PRKACB: variants seen among roughly 807,000 people sequenced by gnomAD.
PRKACB encodes the protein cAMP-dependent protein kinase catalytic subunit beta.
Under a neutral mutation model 51.4 loss-of-function variants are expected in PRKACB, and 16 were observed. The ratio of observed to expected loss-of-function variants is 0.31; its 90% CI spans 0.21 to 0.47. PRKACB has a LOEUF of 0.47. Among genes scored for constraint, PRKACB ranks in the 20% least tolerant of loss-of-function variants. PRKACB has a pLI of 1.00. For synonymous variants in PRKACB, 147 were observed against 154.4 expected (o/e 0.95, Z 0.35); for missense variants, 309 against 464.5 (o/e 0.67, Z 3.08).
At chr1:84,094,608 A>C (rs1465888251) in intron 1 of PRKACB, among the ~76,000 whole-genome samples, 1 of 151,938 alleles carries the variant, frequency 6.6e-6, no homozygotes, top group African/African-American at 2.4e-5. Flanking sequence ...TACTTGCCTT[A>C]TGGGTCACCT....
chr1:84,236,017 G>C lies in PRKACB; in HGVS notation c.*712G>C, dbSNP rs1283721450. ...TAATGAAGTGACCAGCCTGTGTAGTGTGACAAACGTGTCTCATTCAGCAGG... is the reference window on the plus strand; with the variant it reads ...TAATGAAGTGACCAGCCTGTGTAGTCTGACAAACGTGTCTCATTCAGCAGG... On this transcript the variant is annotated 3_prime_UTR_variant, in exon 10 of 10. Coordinates refer to ENST00000370685, the MANE Select transcript of PRKACB (RefSeq NM_182948.4). The C allele has an allele frequency of 6.6e-6, 1 of 152,526 alleles. No homozygotes were observed. The highest frequency in any genetic ancestry group is 1.5e-5 in the Non-Finnish European group (1 of 68,032). The allele number at this position is 152,526 out of a possible 1,614,324, so 9.4% of individuals were successfully genotyped here.
At chr1:84,199,096 T>C (rs1203699332) in intron 7 of PRKACB, among the ~76,000 whole-genome samples, 2 of 136,812 alleles carry the variant, frequency 1.5e-5, no homozygotes, top group Admixed American at 1.4e-4. Flanking sequence ...TGCGTATATA[T>C]GCATATATGT....
At chr1:84,217,843 C>T (rs1433066251) in intron 9 of PRKACB, among the ~76,000 whole-genome samples, 1 of 152,062 alleles carries the variant, frequency 6.6e-6, no homozygotes, top group Non-Finnish European at 1.5e-5. Flanking sequence ...TATCGAACTT[C>T]TATTTTCTTT....
intron 1 of PRKACB, among the ~76,000 whole-genome samples, chr1:84,151,306 A>C (rs970417129): frequency 6.6e-6 from 1 of 152,210 alleles, no homozygotes; most frequent in African/African-American, 2.4e-5. Context: ...TATTGCTAAA[A>C]AAATACTAAT....
chr1:84,195,919 A>C (rs1473174148), intron 5 of PRKACB, among the ~76,000 whole-genome samples: 1 of 152,078 alleles, frequency 6.6e-6, no homozygotes, highest in Non-Finnish European at 1.5e-5. Flanking sequence ...TCTCAAAAAA[A>C]AAAAAAAAGA....
chr1:84,213,285 G>A (rs1478307228), intron 8 of PRKACB, among the ~76,000 whole-genome samples: 1 of 152,110 alleles, frequency 6.6e-6, no homozygotes, highest in Non-Finnish European at 1.5e-5. Flanking sequence ...AGGCATAGAT[G>A]CAGCTATTCC....
At chr1:84,163,200 G>A (rs776589321) in intron 1 of PRKACB, among the ~76,000 whole-genome samples, 48 of 152,080 alleles carry the variant, frequency 3.2e-4, no homozygotes, top group Non-Finnish European at 6.0e-4. Context: ...TAGGCAGTTC[G>A]GAAGTCTGTA....
At chr1:84,081,974 A>G (rs965901761) in intron 1 of PRKACB, among the ~76,000 whole-genome samples, 2 of 152,240 alleles carry the variant, frequency 1.3e-5, no homozygotes, top group Admixed American at 1.3e-4. Flanking sequence ...CCACCAGTAG[A>G]CTAGGTTCAA....
At chr1:84,184,205 A>T (rs1664434605) in intron 4 of PRKACB, 70 bp downstream of exon 4, 8 of 1,318,146 alleles carry the variant, frequency 6.1e-6, no homozygotes, top group Admixed American at 2.2e-5. Context: ...CTATAAATGG[A>T]TTCTAAACCA....
Position 84,208,058 on chromosome 1 carries a change from G to GGGT in PRKACB, c.906+5254_906+5256dup, listed in dbSNP as rs1372434435. Among the ~76,000 whole-genome samples, 75 of 152,054 alleles carry GGGT rather than the reference G, an allele frequency of 4.9e-4. 1 individual carries two copies. Among genetic ancestry groups the GGGT allele is most frequent in the Non-Finnish European group, 1.6e-4 (11 of 68,002 alleles). Reference sequence around the variant, plus strand: ...AATTTTTGTGTTTTTAGTAGGGACAGGGTTTCACCATGTTGGCCAGGCTGG... The same window carrying GGGT: ...AATTTTTGTGTTTTTAGTAGGGACAGGGTGGTTTCACCATGTTGGCCAGGCTGG... On this transcript the variant is annotated intron_variant, in intron 8 of 9. Coordinates refer to ENST00000370685, the MANE Select transcript of PRKACB (RefSeq NM_182948.4).
chr1:84,165,722 T>A (rs1202237533), intron 1 of PRKACB, among the ~76,000 whole-genome samples: 2 of 151,804 alleles, frequency 1.3e-5, no homozygotes, highest in Non-Finnish European at 2.9e-5. Flanking sequence ...CAGTTTATCA[T>A]AGGGTAAAAG....
At chr1:84,155,323 A>G (rs1655357449) in intron 1 of PRKACB, among the ~76,000 whole-genome samples, 1 of 152,202 alleles carries the variant, frequency 6.6e-6, no homozygotes, top group Non-Finnish European at 1.5e-5. Context: ...CAAAGCAGTG[A>G]AAGATTTGTA....
intron 1 of PRKACB, among the ~76,000 whole-genome samples, chr1:84,080,390 T>G (rs1387775563): frequency 6.6e-6 from 1 of 152,208 alleles, no homozygotes; most frequent in Non-Finnish European, 1.5e-5. Context: ...TTTCTATGTT[T>G]TAAGTGTTAA....
At chr1:84,091,710 G>A (rs1047999715) in intron 1 of PRKACB, among the ~76,000 whole-genome samples, 2 of 152,000 alleles carry the variant, frequency 1.3e-5, no homozygotes, top group Admixed American at 6.6e-5. Flanking sequence ...TTGCCATGTT[G>A]CCCGGCCTGG....
chr1:84,114,476 T>C (rs78892414), intron 1 of PRKACB, among the ~76,000 whole-genome samples: 2,129 of 152,212 alleles, frequency 0.014, 62 homozygotes, highest in East Asian at 0.094. Context: ...TTTTTTTTAT[T>C]TTTACAAATG....
intron 1 of PRKACB, among the ~76,000 whole-genome samples, chr1:84,116,246 G>A (rs189067511): frequency 1.2e-4 from 18 of 152,172 alleles, no homozygotes; most frequent in African/African-American, 3.9e-4. Context: ...GGTTATTATA[G>A]CCTTCTAATA....
At chr1:84,194,855 A>G (rs1008554064) in intron 5 of PRKACB, among the ~76,000 whole-genome samples, 1 of 152,066 alleles carries the variant, frequency 6.6e-6, no homozygotes, top group African/African-American at 2.4e-5. Context: ...GGAAGATTGC[A>G]TGAGCCCAAG....
At chr1:84,142,167 C>T (rs908824220), upstream of PRKACB, among the ~76,000 whole-genome samples, 2 of 152,032 alleles carry the variant, frequency 1.3e-5, no homozygotes, top group Non-Finnish European at 2.9e-5. Context: ...GTAATACATG[C>T]ATTTCATTTA....
At chr1:84,199,071 ATATATG>A (rs1338807743) in intron 7 of PRKACB, among the ~76,000 whole-genome samples, 4 of 50,216 alleles carry the variant, frequency 8.0e-5, no homozygotes, top group Admixed American at 1.9e-4. Flanking sequence ...GTATATATGC[ATATATG>A]TATATATATG....
Sources: allele counts gnomAD v4.1 joint callset (sites outside exome capture counted in the v4.1 genomes callset), GRCh38; gene constraint gnomAD v4.1.1; transcripts MANE v1.5; gene names NCBI Gene and HGNC (gene_info 2026-07-23, HGNC 2026-07-21).